MTMR9: variants seen among roughly 807,000 people sequenced by gnomAD.
MTMR9 encodes myotubularin-related protein 9.
Under a neutral mutation model 69.5 loss-of-function variants are expected in MTMR9, and 39 were observed. The observed-to-expected ratio is 0.56, with a 90% confidence interval of 0.43 to 0.73. MTMR9 has a LOEUF of 0.73. MTMR9 is among the 30% of genes least tolerant of loss of function. MTMR9 has a pLI of 0.00. For missense variants in MTMR9, 900 were observed against 671.2 expected, an observed-to-expected ratio of 1.34 and a Z score of -3.77; for synonymous variants, 354 against 240.8, an observed-to-expected ratio of 1.47 and a Z score of -4.35.
chr8:11,291,205 G>A (rs1387313735), intron 1 of MTMR9, among the ~76,000 whole-genome samples: 1 of 152,042 alleles, frequency 6.6e-6, no homozygotes, highest in East Asian at 1.9e-4. Flanking sequence ...GAGTCAAATT[G>A]ACATCTTGAC....
At chr8:11,315,197 A>G (rs757558079) in intron 7 of MTMR9, 133 bp downstream of exon 7, 112 of 1,084,026 alleles carry the variant, frequency 1.0e-4, no homozygotes, top group Admixed American at 3.1e-4. Flanking sequence ...TTACTGCAGG[A>G]CAGTTAATCT....
intron 4 of MTMR9, among the ~76,000 whole-genome samples, chr8:11,305,490 GT>G (rs1323850138): frequency 6.6e-6 from 1 of 152,204 alleles, no homozygotes; most frequent in Non-Finnish European, 1.5e-5. Context: ...TAAACAAGGA[GT>G]TAAGATAACT....
chr8:11,284,888 C>T lies in MTMR9; in HGVS notation c.-1C>T. On this transcript the variant is annotated 5_prime_UTR_variant, in exon 1 of 10. Transcript: ENST00000221086. The stretch of plus-strand genomic sequence containing the variant: ...TTCCCTGGCTCCGGCCGCGGGGGAG[C>T]ATGGAGTTTGCGGAGCTGATTAAGA... 6.3e-6 allele frequency: 10 copies of T among 1,596,746 alleles called. No homozygotes were observed. Among genetic ancestry groups the T allele is most frequent in the Non-Finnish European group, 8.5e-6 (10 of 1,171,898 alleles).
downstream of MTMR9, chr8:11,331,205 C>G (rs765551291): frequency 6.8e-6 from 11 of 1,614,012 alleles, no homozygotes; most frequent in Non-Finnish European, 9.3e-6. Flanking sequence ...GCTGCCAGCC[C>G]TCTGGTGCCA....
chr8:11,308,513 T>A (rs1355508632), intron 5 of MTMR9, among the ~76,000 whole-genome samples: 1 of 152,208 alleles, frequency 6.6e-6, no homozygotes, highest in East Asian at 1.9e-4. Flanking sequence ...GAGGTCTTTT[T>A]AATCTCCTTA....
intron 9 of MTMR9, among the ~76,000 whole-genome samples, chr8:11,322,093 A>G (rs1422639905): frequency 1.3e-5 from 2 of 152,210 alleles, no homozygotes; most frequent in Non-Finnish European, 2.9e-5. Context: ...GAATTGAAAG[A>G]TTGCCTCTCA....
chr8:11,331,486 C>T, downstream of MTMR9: 1 of 1,614,002 alleles, frequency 6.2e-7, no homozygotes, highest in South Asian at 1.1e-5. Context: ...GTGGTGCCCG[C>T]TGGCAACGCT....
At chr8:11,329,655 G>A (rs1362167513), downstream of MTMR9, among the ~76,000 whole-genome samples, 18 of 152,306 alleles carry the variant, frequency 1.2e-4, no homozygotes, top group African/African-American at 2.6e-4. Flanking sequence ...GCGTGATCTC[G>A]GCTCGCTACA....
intron 6 of MTMR9, among the ~76,000 whole-genome samples, chr8:11,312,199 C>T (rs1035607131): frequency 1.3e-5 from 2 of 151,998 alleles, no homozygotes; most frequent in Non-Finnish European, 2.9e-5. Context: ...TGCACACCAC[C>T]ACGGTCACCT....
chr8:11,300,243 T>G (rs1799704802), intron 3 of MTMR9, 95 bp downstream of exon 3: 1 of 1,343,584 alleles, frequency 7.4e-7, no homozygotes, highest in Non-Finnish European at 1.0e-6. Flanking sequence ...AGTAATAAGG[T>G]GAAGTTGACT....
At chr8:11,301,329 C>G (rs1193891003) in intron 3 of MTMR9, among the ~76,000 whole-genome samples, 2 of 152,164 alleles carry the variant, frequency 1.3e-5, no homozygotes, top group South Asian at 4.1e-4. Flanking sequence ...AAACAGAATA[C>G]AGGGTACAGA....
rs1799512315 is a variant in MTMR9, at chr8:11,295,307, G to A, written c.291+5G>A. 1 of 1,511,362 alleles carries A rather than the reference G, an allele frequency of 6.6e-7. No individual in the cohort carries two copies. The highest frequency in any genetic ancestry group is 1.4e-5 in the African/African-American group (1 of 72,534). 93.6% of individuals were successfully genotyped at this position (1,511,362 alleles called of 1,614,324 possible). Reference sequence around the variant, plus strand: ...AATATAGCCAGTTCCATTGAGGTAAGTATTTTGGAAGCAAAATCTAATGAA... The same window carrying A: ...AATATAGCCAGTTCCATTGAGGTAAATATTTTGGAAGCAAAATCTAATGAA... On this transcript the variant is annotated splice_donor_5th_base_variant and intron_variant, in intron 2 of 9. Coordinates refer to ENST00000221086, the MANE Select transcript of MTMR9 (RefSeq NM_015458.4).
At position 11,289,571 on chromosome 8, in the gene MTMR9, T is replaced by A. The variant is rs79799107; in HGVS notation, c.182+4501T>A. ...TTTTCATGATTGATTCCTTAAAAGG[T>A]TTCCTCTGTTGTTGATTTTCTTCCT... On this transcript the variant is annotated intron_variant, in intron 1 of 9. Transcript: ENST00000221086. Among the ~76,000 whole-genome samples, 2,194 of 152,142 alleles carry A rather than the reference T, an allele frequency of 0.014. 88 individuals are homozygous for A. In the East Asian group the frequency reaches 0.15, roughly 11 times the overall value.
In MTMR9 at chr8:11,319,669, G is replaced by A. The variant is rs1370032570; in HGVS notation, c.1335-18G>A. On this transcript the variant is annotated intron_variant, in intron 8 of 9. Transcript: ENST00000221086. ...TTATAAATTAATTACTTTAATGGCA[G>A]TGTTCTTTCTTGATCAGATGTAAGT... is the stretch of plus-strand genomic sequence containing the variant. 1.2e-6 allele frequency: 2 copies of A among 1,612,420 alleles called. No homozygotes were observed. The highest frequency in any genetic ancestry group is 1.7e-6 in the Non-Finnish European group (2 of 1,179,670).
chr8:11,288,894 C>T (rs1481955504), intron 1 of MTMR9, among the ~76,000 whole-genome samples: 2 of 152,152 alleles, frequency 1.3e-5, no homozygotes, highest in Non-Finnish European at 2.9e-5. Context: ...GATGGTAGGC[C>T]GGGCACGGTG....
At chr8:11,314,420 C>G (rs1387784429) in intron 6 of MTMR9, among the ~76,000 whole-genome samples, 2 of 151,964 alleles carry the variant, frequency 1.3e-5, no homozygotes, top group East Asian at 1.9e-4. Context: ...AAAGTGTGGT[C>G]TAGGTCTCAT....
chr8:11,288,298 A>G (rs1246946187), intron 1 of MTMR9, among the ~76,000 whole-genome samples: 2 of 139,800 alleles, frequency 1.4e-5, no homozygotes, highest in African/African-American at 2.7e-5. Flanking sequence ...CATATAATAT[A>G]TATTATAATA....
At chr8:11,320,518 C>T (rs1800633643) in intron 9 of MTMR9, 1 of 152,200 alleles carries the variant, frequency 6.6e-6, no homozygotes, top group South Asian at 2.1e-4. Context: ...CACTTGAGGT[C>T]AGAAGTTCAA....
chr8:11,308,911 A>G (rs1215507651), intron 5 of MTMR9, among the ~76,000 whole-genome samples: 2 of 152,220 alleles, frequency 1.3e-5, no homozygotes, highest in Admixed American at 1.3e-4. Context: ...CCACAAGGCC[A>G]GCTCCTCTGC....
Sources: allele counts gnomAD v4.1 joint callset (sites outside exome capture counted in the v4.1 genomes callset), GRCh38; gene constraint gnomAD v4.1.1; transcripts MANE v1.5; gene names NCBI Gene and HGNC (gene_info 2026-07-23, HGNC 2026-07-21).